The following LIPC variants were observed in gnomAD, a reference collection of about 807,000 sequenced individuals.
The protein encoded by LIPC is hepatic triacylglycerol lipase.
A neutral mutation model predicts 50.7 loss-of-function variants in LIPC; 44 were observed. The observed-to-expected ratio is 0.87, with a 90% CI of 0.68 to 1.11. The LOEUF (loss-of-function observed/expected upper bound fraction) is 1.11. Among genes scored for constraint, LIPC ranks in the 50% most tolerant of loss-of-function variants. LIPC has a pLI of 0.00. For synonymous variants in LIPC, 271 were observed against 256.4 expected, an observed-to-expected ratio of 1.06 and a Z score of -0.54; for missense variants, 697 against 648.2, an observed-to-expected ratio of 1.08 and a Z score of -0.82.
intron 1 of LIPC, among the ~76,000 whole-genome samples, chr15:58,529,039 C>G (rs901991773): frequency 9.2e-5 from 14 of 152,170 alleles, no homozygotes; most frequent in Non-Finnish European, 1.5e-4. Context: ...CTGCCCCCAC[C>G]CCTCCTTCTA....
intron 6 of LIPC, among the ~76,000 whole-genome samples, chr15:58,555,700 T>A (rs1378945162): frequency 1.3e-5 from 2 of 152,176 alleles, no homozygotes; most frequent in Non-Finnish European, 2.9e-5. Flanking sequence ...GGGTGGGCAG[T>A]GTTAAGGAAA....
At chr15:58,508,023 C>T (rs895804632) in intron 1 of LIPC, among the ~76,000 whole-genome samples, 1 of 152,118 alleles carries the variant, frequency 6.6e-6, no homozygotes, top group Non-Finnish European at 1.5e-5. Context: ...AAACAGAAGA[C>T]GATGGTTTGT....
chr15:58,565,301 A>T, intron 8 of LIPC: 2 of 1,535,542 alleles, frequency 1.3e-6, no homozygotes, highest in Non-Finnish European at 1.7e-6. Flanking sequence ...CCCTGCCCAG[A>T]TGCTCTTAGC....
At chr15:58,523,127 G>A (rs1214684478) in intron 1 of LIPC, 1 of 152,346 alleles carries the variant, frequency 6.6e-6, no homozygotes, top group African/African-American at 2.4e-5. Context: ...AAATGAGCGG[G>A]CACCTCTATG....
chr15:58,502,088 G>A (rs1249950403), intron 1 of LIPC, among the ~76,000 whole-genome samples: 2 of 152,110 alleles, frequency 1.3e-5, no homozygotes, highest in Non-Finnish European at 2.9e-5. Flanking sequence ...GTGACCAGAG[G>A]GCAATGCCAG....
intron 6 of LIPC, among the ~76,000 whole-genome samples, chr15:58,560,173 C>T (rs1391702631): frequency 2.6e-5 from 4 of 152,182 alleles, no homozygotes; most frequent in African/African-American, 9.7e-5. Flanking sequence ...TAAATGTAGA[C>T]TGTATTAGGT....
At chr15:58,503,906 C>A (rs927552759) in intron 1 of LIPC, among the ~76,000 whole-genome samples, 1 of 152,110 alleles carries the variant, frequency 6.6e-6, no homozygotes, top group Non-Finnish European at 1.5e-5. Context: ...CACCCACACA[C>A]CCACACCCCC....
chr15:58,549,537 C>G (rs7166788), intron 6 of LIPC, among the ~76,000 whole-genome samples: 82,481 of 152,094 alleles, frequency 0.54, 23,505 homozygotes, highest in East Asian at 0.9. Flanking sequence ...TAAAGAGGAG[C>G]AAAGCAAAAC....
At chr15:58,505,851 G>A (rs1164364188) in intron 1 of LIPC, among the ~76,000 whole-genome samples, 1 of 152,144 alleles carries the variant, frequency 6.6e-6, no homozygotes, top group Non-Finnish European at 1.5e-5. Flanking sequence ...CTTTCATTAG[G>A]GGACTGCACT....
chr15:58,456,357 G>A (rs1894114041), intron 1 of LIPC: 1 of 152,246 alleles, frequency 6.6e-6, no homozygotes, highest in Non-Finnish European at 1.5e-5. Context: ...TAGTATGATA[G>A]CTGATTATGT....
At chr15:58,462,038 T>C (rs1566915535) in intron 1 of LIPC, among the ~76,000 whole-genome samples, 5 of 151,616 alleles carry the variant, frequency 3.3e-5, no homozygotes, top group African/African-American at 1.2e-4. Context: ...CACTGGATCA[T>C]CCAAGTTACA....
chr15:58,495,719 A>C (rs1466900381), intron 1 of LIPC, among the ~76,000 whole-genome samples: 7 of 152,214 alleles, frequency 4.6e-5, no homozygotes, highest in Admixed American at 1.3e-4. Context: ...GAACCCAAGC[A>C]CGCTGTCTTG....
intron 1 of LIPC, among the ~76,000 whole-genome samples, chr15:58,443,491 T>A (rs1384075564): frequency 6.6e-6 from 1 of 152,196 alleles, no homozygotes; most frequent in Non-Finnish European, 1.5e-5. Flanking sequence ...ATGTCAAGCT[T>A]AAAAATTCTG....
chr15:58,480,527 TCAA>T (rs1268738856), intron 1 of LIPC, among the ~76,000 whole-genome samples: 19 of 152,068 alleles, frequency 1.2e-4, no homozygotes, highest in Non-Finnish European at 2.2e-4. Context: ...ACCCCTGACC[TCAA>T]GTGATCCGCC....
At chr15:58,504,164 C>T (rs1202964296) in intron 1 of LIPC, among the ~76,000 whole-genome samples, 3 of 152,166 alleles carry the variant, frequency 2.0e-5, no homozygotes, top group Admixed American at 2.0e-4. Flanking sequence ...GAACAAGCTC[C>T]CTCCAAACCC....
intron 7 of LIPC, among the ~76,000 whole-genome samples, chr15:58,562,430 T>C (rs1894197778): frequency 6.6e-6 from 1 of 152,084 alleles, no homozygotes; most frequent in Non-Finnish European, 1.5e-5. Context: ...TTGGCACAGA[T>C]TTCCAATTTC....
intron 1 of LIPC, among the ~76,000 whole-genome samples, chr15:58,475,849 A>AG (rs1232253865): frequency 6.6e-6 from 1 of 152,248 alleles, no homozygotes; most frequent in African/African-American, 2.4e-5. Flanking sequence ...ATTAACAATA[A>AG]GCACCACTCT....
chr15:58,447,219 C>T (rs1196274388), intron 1 of LIPC, among the ~76,000 whole-genome samples: 8 of 151,560 alleles, frequency 5.3e-5, no homozygotes, highest in Admixed American at 2.6e-4. Context: ...GTACCCCTGC[C>T]GGAGCTCATG....
Position 58,538,456 on chromosome 15 carries a change from C to G in LIPC, c.212C>G (p.Thr71Arg), listed in dbSNP as rs768938270. 1 of 1,614,040 alleles carries G rather than the reference C, an allele frequency of 6.2e-7. No homozygotes were observed. Among genetic ancestry groups the G allele is most frequent in the Admixed American group, 1.7e-5 (1 of 59,996 alleles). Reference sequence around the variant, plus strand: ...CAGATTCGAATCAATCATCCGGACACGTTACAGGAGTGCGGCTTCAACTCC... The same window carrying G: ...CAGATTCGAATCAATCATCCGGACAGGTTACAGGAGTGCGGCTTCAACTCC... ...GCQIRINHPD[T>R]LQECGFNSSL... The change falls in exon 2 of 9, where the codon ACG becomes AGG. Residue 71 changes from threonine to arginine, a missense_variant. Transcript: ENST00000299022.
Sources: allele counts gnomAD v4.1 joint callset (sites outside exome capture counted in the v4.1 genomes callset), GRCh38; gene constraint gnomAD v4.1.1; transcripts MANE v1.5; gene names NCBI Gene and HGNC (gene_info 2026-07-23, HGNC 2026-07-21).